The following ZP3 variants were observed in gnomAD, a reference collection of about 807,000 sequenced individuals.
ZP3 encodes the protein zona pellucida glycoprotein 3.
A neutral mutation model predicts 35.6 loss-of-function variants in ZP3; 21 were observed. The ratio of observed to expected loss-of-function variants is 0.59; its 90% confidence interval spans 0.42 to 0.85. The LOEUF (loss-of-function observed/expected upper bound fraction) is 0.85, where lower values mean the gene tolerates loss of function less well. Ranked by LOEUF, ZP3 falls within the 40% of genes least tolerant of loss-of-function variation. The probability of loss-of-function intolerance (pLI) is 0.00; values close to 1 mark genes in which losing one functional copy is unlikely to be tolerated. For missense variants in ZP3, 437 were observed against 536.5 expected (o/e 0.81, Z 1.83); for synonymous variants, 207 against 214.5 (o/e 0.96, Z 0.31).
At chr7:76,439,390 G>A (rs1439633029) in intron 5 of ZP3, among the ~76,000 whole-genome samples, 3 of 152,216 alleles carry the variant, frequency 2.0e-5, no homozygotes, top group Admixed American at 6.6e-5. Flanking sequence ...GGGGATGGGC[G>A]CGGGTTTAGC....
In ZP3 at chr7:76,436,926, G is replaced by A. The variant is rs148148744; in HGVS notation, c.831+2771G>A. Among the ~76,000 whole-genome samples the A allele has an allele frequency of 0.012, 1,850 of 152,180 alleles. 80 individuals are homozygous for A. The East Asian group carries it at 0.13, about 11-fold the overall frequency. On this transcript the variant is annotated intron_variant, in intron 5 of 7. Coordinates refer to ENST00000394857, the MANE Select transcript of ZP3 (RefSeq NM_001110354.2). ...CAGAGAACAGTGCTGTTTAATGGAA[G>A]ATAGTCTGAGCCCTTGGAGGGCCCC...
intron 1 of ZP3, among the ~76,000 whole-genome samples, chr7:76,412,431 G>A (rs1021769709): frequency 6.6e-6 from 1 of 152,116 alleles, no homozygotes; most frequent in Non-Finnish European, 1.5e-5. Context: ...CAAAGAGGTA[G>A]TACAAAGGGG....
At chr7:76,405,271 TTATATATA>T (rs1171830870) in intron 1 of ZP3, among the ~76,000 whole-genome samples, 111 of 9,136 alleles carry the variant, frequency 0.012, 3 homozygotes, top group East Asian at 0.047. Flanking sequence ...ACCCAGCTAA[TTATATATA>T]TATATATATA....
intron 1 of ZP3, among the ~76,000 whole-genome samples, chr7:76,417,940 C>CTTT (rs371645836): frequency 1.7e-5 from 2 of 121,186 alleles, no homozygotes; most frequent in East Asian, 3.4e-4. Flanking sequence ...TTCTTTCTTT[C>CTTT]TTTTTTTTTT....
At chr7:76,415,293 G>A (rs1004931849) in intron 1 of ZP3, among the ~76,000 whole-genome samples, 1 of 145,386 alleles carries the variant, frequency 6.9e-6, no homozygotes, top group African/African-American at 2.6e-5. Context: ...TGGAACCCGG[G>A]GAGCGGAGGT....
At chr7:76,422,208 T>C (rs1226817677), upstream of ZP3, among the ~76,000 whole-genome samples, 4 of 151,672 alleles carry the variant, frequency 2.6e-5, no homozygotes, top group Non-Finnish European at 5.9e-5. Context: ...ATACTATTCC[T>C]TTCATGGCCT....
At chr7:76,429,331 CTGGCCTCAAGCAATCCT>C in intron 1 of ZP3, 167 bp from the exon 2 acceptor site, 1 of 598,854 alleles carries the variant, frequency 1.7e-6, no homozygotes, top group South Asian at 1.8e-5. Flanking sequence ...TCTCAAACTC[CTGGCCTCAAGCAATCCT>C]TGGCCTCCCA....
chr7:76,408,756 T>G (rs891489645), intron 1 of ZP3, among the ~76,000 whole-genome samples: 1 of 152,160 alleles, frequency 6.6e-6, no homozygotes, highest in Non-Finnish European at 1.5e-5. Flanking sequence ...AAGGGAACAC[T>G]GGCAAGACAA....
chr7:76,400,665 T>G, intron 1 of ZP3: 1 of 1,361,992 alleles, frequency 7.3e-7, no homozygotes, highest in Non-Finnish European at 9.6e-7. Flanking sequence ...AGGATGTCCT[T>G]TTATTTTATT....
At chr7:76,431,412 G>C (rs1805821208) in intron 2 of ZP3, among the ~76,000 whole-genome samples, 1 of 152,162 alleles carries the variant, frequency 6.6e-6, no homozygotes, top group East Asian at 1.9e-4. Flanking sequence ...CTTTAACCTG[G>C]CTCCAGATAC....
chr7:76,406,842 G>T (rs1293313591), intron 1 of ZP3, among the ~76,000 whole-genome samples: 4 of 151,616 alleles, frequency 2.6e-5, no homozygotes, highest in African/African-American at 9.7e-5. Context: ...ATTGTAAGCA[G>T]CGTTTAGTCT....
chr7:76,401,002 A>T (rs1804807738), intron 1 of ZP3: 1 of 1,550,554 alleles, frequency 6.4e-7, no homozygotes, highest in African/African-American at 1.4e-5. Flanking sequence ...GGGGTGGGGC[A>T]CCTACCTTGA....
chr7:76,403,843 G>A (rs555831499), intron 1 of ZP3, among the ~76,000 whole-genome samples: 33 of 151,588 alleles, frequency 2.2e-4, no homozygotes, highest in African/African-American at 7.8e-4. Flanking sequence ...TGTATTTTTA[G>A]TAGGGACGCG....
chr7:76,423,211 GA>G (rs2115875624), upstream of ZP3, among the ~76,000 whole-genome samples: 2 of 150,416 alleles, frequency 1.3e-5, no homozygotes, highest in South Asian at 2.1e-4. Flanking sequence ...GAGAGAGAGG[GA>G]AAGAGAGAGA....
At chr7:76,400,351 C>A in intron 1 of ZP3, 1 of 1,544,338 alleles carries the variant, frequency 6.5e-7, no homozygotes, top group Non-Finnish European at 8.8e-7. Context: ...GCGGCTGCCG[C>A]ACTCGCTCAG....
chr7:76,441,418 T>C (rs1458484936), intron 7 of ZP3, among the ~76,000 whole-genome samples: 1 of 151,784 alleles, frequency 6.6e-6, no homozygotes, highest in African/African-American at 2.4e-5. Flanking sequence ...AGATGGTGTC[T>C]AGCTCTGTCC....
intron 1 of ZP3, among the ~76,000 whole-genome samples, chr7:76,412,208 G>T (rs529699178): frequency 6.7e-6 from 1 of 148,842 alleles, no homozygotes; most frequent in Non-Finnish European, 1.5e-5. Flanking sequence ...AAAAAGAAAA[G>T]AAAAAGATAA....
rs747489932 is a variant in ZP3 at position 76,425,275 on chromosome 7, A to T, written c.311A>T (p.Gln104Leu). 6.3e-7 allele frequency: 1 copy of T among 1,598,464 alleles called. No homozygotes were observed. The highest frequency in any genetic ancestry group is 1.1e-5 in the South Asian group (1 of 90,698). ...CTCCACGAGTGTGGCAACAGCATGC[A>T]GGTAAGAGAGGCTGGGGGCCCTGGC... ...VGLHECGNSM[Q>L]VTDDALVYST... The change falls in exon 1 of 8, where the codon CAG becomes CTG. Residue 104 changes from glutamine to leucine, a missense_variant and splice_region_variant. Gln to Leu is a moderately radical substitution (Grantham distance 113, BLOSUM62 -2). Around this residue, in one of 6 missense-constraint regions of ZP3, gnomAD observed 352 missense variants for 308.4 expected, o/e 1.14. Transcript: ENST00000394857.
intron 1 of ZP3, among the ~76,000 whole-genome samples, chr7:76,419,920 G>C (rs908292819): frequency 5.3e-5 from 8 of 151,792 alleles, no homozygotes; most frequent in Admixed American, 4.6e-4. Flanking sequence ...TCCTGCCTCA[G>C]CCTCCCCAGT....
Sources: allele counts gnomAD v4.1 joint callset (sites outside exome capture counted in the v4.1 genomes callset), GRCh38; gene constraint gnomAD v4.1.1; regional missense constraint gnomAD v4.1.1; transcripts MANE v1.5; gene names NCBI Gene and HGNC (gene_info 2026-07-23, HGNC 2026-07-21).